CORO7: variants seen among roughly 807,000 people sequenced by gnomAD.
CORO7 encodes coronin-7.
Under a neutral mutation model 126.6 loss-of-function variants are expected in CORO7, and 107 were observed. The observed-to-expected ratio is 0.85, with a 90% CI of 0.72 to 0.99. CORO7 has a LOEUF of 0.99. Among genes scored for constraint, CORO7 ranks in the 50% least tolerant of loss-of-function variants. The pLI, the probability that CORO7 is intolerant of heterozygous loss-of-function variation, is 0.00. For synonymous variants in CORO7, 603 were observed against 536.8 expected (o/e 1.12, Z -1.70); for missense variants, 1,314 against 1,255.8 (o/e 1.05, Z -0.70).
At position 4,354,901 on chromosome 16, in the gene CORO7, C is replaced by G. The variant is rs1322133217; in HGVS notation, c.*257G>C. 9.2e-6 allele frequency: 4 copies of G among 436,384 alleles called. No homozygotes were observed. The highest frequency in any genetic ancestry group is 1.6e-5 in the Non-Finnish European group (4 of 247,696). 27.0% of individuals were successfully genotyped at this position (436,384 alleles called of 1,614,324 possible). On this transcript the variant is annotated 3_prime_UTR_variant, in exon 28 of 28. Coordinates refer to ENST00000251166, the MANE Select transcript of CORO7 (RefSeq NM_024535.5). ...GCCTGCCCAGGGACATGCTGCTGAC[C>G]CCCCGCCACCCTGCACCCCTGGCCA...
At chr16:4,387,051 G>C (rs1200722032) in intron 9 of CORO7, among the ~76,000 whole-genome samples, 2 of 152,208 alleles carry the variant, frequency 1.3e-5, no homozygotes, top group Non-Finnish European at 2.9e-5. Context: ...TCCTGGCTCT[G>C]ACATTCTCGG....
intron 6 of CORO7, among the ~76,000 whole-genome samples, chr16:4,402,179 TC>T (rs2141302575): frequency 6.6e-6 from 1 of 152,274 alleles, no homozygotes; most frequent in Admixed American, 6.5e-5. Context: ...CCTCAGGTGA[TC>T]CGCCTGCTTG....
rs374424650 is a variant in CORO7 at position 4,357,227 on chromosome 16, G to C, written c.2626C>G (p.Arg876Gly). 2 of 1,613,602 alleles carry C rather than the reference G, an allele frequency of 1.2e-6. No individual in the cohort carries two copies. Among genetic ancestry groups the C allele is most frequent in the Admixed American group, 1.7e-5 (1 of 59,966 alleles). Residue 876 changes from arginine (R) to glycine (G), a missense_variant, in exon 26 of 28, where the codon CGG (arginine) becomes GGG (glycine). By Grantham distance (125) the Arg-to-Gly change is moderately radical (BLOSUM62 -2). Coordinates refer to ENST00000251166, the MANE Select transcript of CORO7 (RefSeq NM_024535.5). ...AGGTACTGCGCTGAGGATGGGGCCCGACGAGCAGGGGCCTCTCGGGGGGCT... is the reference window on the plus strand; with the variant it reads ...AGGTACTGCGCTGAGGATGGGGCCCCACGAGCAGGGGCCTCTCGGGGGGCT... ...SQAPREAPAR[R>G]APSSAQYLEE...
rs1268593736 is a variant in CORO7 at position 4,355,156 on chromosome 16, G to C, written c.*2C>G. ...GTGAGGTGGAGGTGACGGGGGCGCA[G>C]GCTAGTCCTGGGGCGAAACACCAAG... On this transcript the variant is annotated 3_prime_UTR_variant, in exon 28 of 28. Coordinates refer to ENST00000251166, the MANE Select transcript of CORO7 (RefSeq NM_024535.5). 2 of 1,522,830 alleles carry C rather than the reference G, an allele frequency of 1.3e-6. No homozygotes were observed. The highest frequency in any genetic ancestry group is 1.8e-6 in the Non-Finnish European group (2 of 1,130,806). 94.3% of individuals were successfully genotyped at this position (1,522,830 alleles called of 1,614,324 possible).
intron 9 of CORO7, among the ~76,000 whole-genome samples, chr16:4,365,879 G>A (rs1466514569): frequency 6.6e-6 from 1 of 152,132 alleles, no homozygotes; most frequent in Non-Finnish European, 1.5e-5. Flanking sequence ...TCCCACCTTC[G>A]ACAGCCTAGA....
chr16:4,360,681 CTT>C, intron 19 of CORO7, 133 bp from the exon 20 acceptor site: 1 of 1,349,002 alleles, frequency 7.4e-7, no homozygotes, highest in Non-Finnish European at 1.0e-6. Flanking sequence ...CACTGCTGGT[CTT>C]GCCTCTCCTC....
rs2054832294 is a variant in CORO7 at position 4,378,515 on chromosome 16, C to G, written c.785+9471G>C. ...TCACTCACAGCCCACATCTGGAGGC[C>G]AGGCCGCACCCGCCGTCCTCTGAGT... On this transcript the variant is annotated intron_variant, in intron 9 of 27. Transcript: ENST00000251166. 2.0e-5 allele frequency among the ~76,000 whole-genome samples: 3 copies of G among 152,140 alleles called. 1 individual carries two copies. The highest frequency in any genetic ancestry group is 2.0e-4 in the Admixed American group (3 of 15,286).
chr16:4,398,002 A>C lies in CORO7; in HGVS notation c.565-2663T>G, dbSNP rs1291698. On this transcript the variant is annotated intron_variant, in intron 6 of 27. Coordinates refer to ENST00000251166, the MANE Select transcript of CORO7 (RefSeq NM_024535.5). ...TGCAATCACAGCTCACTGCAAATCAACCTCCTGGACTAAAGCAATCCTCCC... is the reference window on the plus strand; with the variant it reads ...TGCAATCACAGCTCACTGCAAATCACCCTCCTGGACTAAAGCAATCCTCCC... 8.9e-4 allele frequency among the ~76,000 whole-genome samples: 135 copies of C among 151,896 alleles called. 1 individual carries two copies. The highest frequency in any genetic ancestry group is 1.6e-3 in the Non-Finnish European group (109 of 67,966).
Position 4,415,154 on chromosome 16 carries a change from C to G in CORO7, c.60+1305G>C, listed in dbSNP as rs542589912. The stretch of plus-strand genomic sequence containing the variant: ...TACCGTGAGTCATGGTATCCAGCCC[C>G]TCCCCCTAACTTTTCAATGGCTCTG... On this transcript the variant is annotated intron_variant, in intron 1 of 27. Coordinates refer to ENST00000251166, the MANE Select transcript of CORO7 (RefSeq NM_024535.5). Among the ~76,000 whole-genome samples the G allele has an allele frequency of 2.6e-5, 4 of 152,284 alleles. No individual in the cohort carries two copies. The South Asian group carries it at 8.3e-4, about 32-fold the overall frequency.
At chr16:4,374,146 G>T (rs1296329267) in intron 9 of CORO7, among the ~76,000 whole-genome samples, 2 of 151,178 alleles carry the variant, frequency 1.3e-5, no homozygotes, top group African/African-American at 4.9e-5. Flanking sequence ...TCTGGCGTGG[G>T]CGTGTCTGTG....
At chr16:4,414,559 A>G (rs984914677) in intron 1 of CORO7, 52 of 152,230 alleles carry the variant, frequency 3.4e-4, no homozygotes, top group African/African-American at 1.2e-3. Flanking sequence ...TTACAGCATC[A>G]GTCCCACCCT....
At chr16:4,359,415 T>G (rs746971981) in intron 22 of CORO7, 30 bp from the exon 23 acceptor site, 1 of 1,613,424 alleles carries the variant, frequency 6.2e-7, no homozygotes, top group East Asian at 2.2e-5. Context: ...CTGGGAACCC[T>G]CCGGCAACAC....
intron 6 of CORO7, among the ~76,000 whole-genome samples, chr16:4,405,153 G>A (rs1207911960): frequency 3.3e-5 from 5 of 152,322 alleles, no homozygotes; most frequent in East Asian, 1.9e-4. Flanking sequence ...CAGCACCTGC[G>A]GCCGAATGCT....
chr16:4,392,182 T>C (rs1444592956), intron 7 of CORO7, among the ~76,000 whole-genome samples: 1 of 152,072 alleles, frequency 6.6e-6, no homozygotes, highest in African/African-American at 2.4e-5. Flanking sequence ...GACACTCATT[T>C]GGGGCTGCCA....
Position 4,364,578 on chromosome 16 carries a change from G to A in CORO7, c.1137+19C>T, listed in dbSNP as rs1030681701. On this transcript the variant is annotated intron_variant, in intron 13 of 27. Transcript: ENST00000251166. Reference sequence around the variant, plus strand: ...GGGACTCGGGGAGGCTGGGAGAGGTGAGCCAGCCCTGGTCCTACCTGCTGG... The same window carrying A: ...GGGACTCGGGGAGGCTGGGAGAGGTAAGCCAGCCCTGGTCCTACCTGCTGG... The A allele has an allele frequency of 1.9e-5, 30 of 1,548,542 alleles. No individual in the cohort carries two copies. Among genetic ancestry groups the A allele is most frequent in the Non-Finnish European group, 2.5e-5 (29 of 1,146,616 alleles).
intron 9 of CORO7, among the ~76,000 whole-genome samples, chr16:4,379,265 C>T (rs2054866423): frequency 6.6e-6 from 1 of 152,068 alleles, no homozygotes; most frequent in African/African-American, 2.4e-5. Context: ...AGGATGCTTC[C>T]TGGGGATGGG....
At chr16:4,402,839 G>C (rs1306416286) in intron 6 of CORO7, among the ~76,000 whole-genome samples, 4 of 152,164 alleles carry the variant, frequency 2.6e-5, no homozygotes, top group South Asian at 2.1e-4. Flanking sequence ...TGAGGAGAGC[G>C]CGCCCCCTAG....
rs1389898478 is a variant in CORO7, at chr16:4,362,928, A to T, written c.1276-190T>A. Reference sequence around the variant, plus strand: ...ACACACAGGGAAGCAGCCGAGCTTCAGACCGCGGGGACAGCAAGTGGCAGC... The same window carrying T: ...ACACACAGGGAAGCAGCCGAGCTTCTGACCGCGGGGACAGCAAGTGGCAGC... On this transcript the variant is annotated intron_variant, in intron 14 of 27. Transcript: ENST00000251166. The surrounding 1 kb of genome is among the most constrained non-coding windows in gnomAD (Gnocchi z 5.3). The T allele has an allele frequency of 4.9e-6, 3 of 609,912 alleles. No homozygotes were observed. In the African/African-American group the frequency reaches 5.7e-5, roughly 12 times the overall value. The allele number at this position is 609,912 out of a possible 1,614,324, so 37.8% of individuals were successfully genotyped here. A position where few individuals can be genotyped will look rare whatever the true frequency, so the allele number is the denominator to read the frequency against.
intron 9 of CORO7, among the ~76,000 whole-genome samples, chr16:4,369,841 C>T (rs562951695): frequency 7.2e-5 from 11 of 152,264 alleles, no homozygotes; most frequent in South Asian, 6.2e-4. Context: ...TCCTTTGACC[C>T]CCCTCCACCC....
Sources: allele counts gnomAD v4.1 joint callset (sites outside exome capture counted in the v4.1 genomes callset), GRCh38; gene constraint gnomAD v4.1.1; non-coding constraint Gnocchi (gnomAD v3.1); transcripts MANE v1.5; gene names NCBI Gene and HGNC (gene_info 2026-07-23, HGNC 2026-07-21).